The following SLC17A1 variants were observed in gnomAD, a reference collection of about 807,000 sequenced individuals.
SLC17A1 encodes the protein sodium-dependent phosphate transport protein 1.
In SLC17A1, 51 loss-of-function variants were observed where a neutral mutation model predicts 53.5. That is an observed-to-expected ratio of 0.95 (90% CI 0.76 to 1.20). The LOEUF (loss-of-function observed/expected upper bound fraction) is 1.20. Among genes scored for constraint, SLC17A1 ranks in the 50% most tolerant of loss-of-function variants. SLC17A1 has a pLI of 0.00. For missense variants in SLC17A1, 538 were observed against 568.2 expected, an observed-to-expected ratio of 0.95 and a Z score of 0.54; for synonymous variants, 179 against 198.8, an observed-to-expected ratio of 0.90 and a Z score of 0.84.
At chr6:25,740,789 T>C in the SLC17A1 span, among the ~76,000 whole-genome samples, 267 of 152,342 alleles carry the variant, frequency 1.8e-3, 1 homozygote, top group Non-Finnish European at 2.8e-3. Flanking sequence ...TGTCCATCAA[T>C]GGATGACTGG....
intron 10 of SLC17A1, 149 bp from the exon 11 acceptor site, chr6:25,801,129 G>T (rs1333559845): frequency 3.3e-6 from 2 of 599,926 alleles, no homozygotes; most frequent in African/African-American, 3.8e-5. Flanking sequence ...AAAAGTATAT[G>T]AATATAGGCA....
intron 3 of SLC17A1, 34 bp from the exon 4 acceptor site, chr6:25,819,949 T>C (rs1455630609): frequency 2.1e-6 from 3 of 1,401,284 alleles, no homozygotes; most frequent in Middle Eastern, 1.8e-4. Context: ...CGAATCACTC[T>C]GCATATCAGA....
the SLC17A1 span, chr6:25,769,922 A>T: frequency 1.4e-6 from 1 of 710,336 alleles, no homozygotes; most frequent in Non-Finnish European, 2.4e-6. Context: ...TAGGGTTTTT[A>T]AATACATGAT....
chr6:25,744,328 G>A, the SLC17A1 span, among the ~76,000 whole-genome samples: 1 of 152,178 alleles, frequency 6.6e-6, no homozygotes, highest in African/African-American at 2.4e-5. Context: ...GGTGAAGTAT[G>A]AGGAAACACA....
chr6:25,734,398 A>G, the SLC17A1 span, among the ~76,000 whole-genome samples: 15,615 of 152,262 alleles, frequency 0.1, 899 homozygotes, highest in Middle Eastern at 0.16. Context: ...GAATGGGGAA[A>G]AAAATGAGGT....
the SLC17A1 span, chr6:25,770,455 C>G: frequency 6.2e-7 from 1 of 1,614,022 alleles, no homozygotes; most frequent in South Asian, 1.1e-5. Context: ...GTCAACTCAC[C>G]ACCATTGCTG....
chr6:25,819,328 TTGAGA>T (rs1294856999), intron 5 of SLC17A1, among the ~76,000 whole-genome samples, 174 bp from the exon 6 acceptor site: 1 of 152,218 alleles, frequency 6.6e-6, no homozygotes, highest in Non-Finnish European at 1.5e-5. Flanking sequence ...TCTCTGTTGT[TTGAGA>T]TAAGGATGGC....
chr6:25,767,958 C>G, the SLC17A1 span, among the ~76,000 whole-genome samples: 1 of 151,982 alleles, frequency 6.6e-6, no homozygotes, highest in African/African-American at 2.4e-5. Context: ...TTTGTGAAGG[C>G]CTTAACTGAA....
intron 3 of SLC17A1, among the ~76,000 whole-genome samples, chr6:25,822,698 C>A (rs1469724139): frequency 6.6e-6 from 1 of 151,984 alleles, no homozygotes; most frequent in Non-Finnish European, 1.5e-5. Context: ...CCGTGAGTAG[C>A]CATTTCTCTA....
chr6:25,773,652 T>C, the SLC17A1 span: 1 of 1,613,536 alleles, frequency 6.2e-7, no homozygotes, highest in Admixed American at 1.7e-5. Flanking sequence ...ATCAGCTCGG[T>C]ACTTCAAGCC....
chr6:25,817,656 A>G (rs1326078657), intron 6 of SLC17A1, among the ~76,000 whole-genome samples: 1 of 152,252 alleles, frequency 6.6e-6, no homozygotes, highest in East Asian at 1.9e-4. Flanking sequence ...CCCTTGATCA[A>G]CAATGTTGGG....
Position 25,811,452 on chromosome 6 carries a change from G to T in SLC17A1, c.1124C>A (p.Thr375Lys). The T allele has an allele frequency of 6.2e-7, 1 of 1,613,930 alleles. No individual in the cohort carries two copies. The highest frequency in any genetic ancestry group is 8.5e-7 in the Non-Finnish European group (1 of 1,179,904). ...CACTCCACCCAAGCAAAAGCTGCCT[G>T]TTGCACCAGCAAGTATTAGGAAAAT... Reference protein sequence around the residue: ...IVIFLILAGATGSFCLGGVFI... With the variant: ...IVIFLILAGAKGSFCLGGVFI... The change falls in exon 10 of 13, where the codon ACA becomes AAA. Residue 375 changes from threonine (T) to lysine (K), a missense_variant. By Grantham distance (78) the Thr-to-Lys change is moderately conservative. Transcript: ENST00000244527.
intron 3 of SLC17A1, 39 bp from the exon 4 acceptor site, chr6:25,819,954 A>G: frequency 7.3e-7 from 1 of 1,372,158 alleles, no homozygotes; most frequent in African/African-American, 1.4e-5. Flanking sequence ...CACTCTGCAT[A>G]TCAGAAATTT....
chr6:25,761,964 T>C, the SLC17A1 span: 1 of 1,612,724 alleles, frequency 6.2e-7, no homozygotes, highest in Non-Finnish European at 8.5e-7. Flanking sequence ...AGAACCAAAA[T>C]GTCTACCGGA....
intron 12 of SLC17A1, among the ~76,000 whole-genome samples, chr6:25,784,322 TAAAGA>T (rs1363141037): frequency 6.6e-6 from 1 of 152,168 alleles, no homozygotes; most frequent in African/African-American, 2.4e-5. Context: ...GGGTAATTTA[TAAAGA>T]AAAGAGGTTT....
At chr6:25,818,380 T>G (rs1010939651) in intron 6 of SLC17A1, among the ~76,000 whole-genome samples, 3 of 152,218 alleles carry the variant, frequency 2.0e-5, no homozygotes, top group African/African-American at 7.2e-5. Flanking sequence ...CCTGTATCGC[T>G]AGCCCCAGGT....
chr6:25,823,982 A>G (rs1764652419), intron 3 of SLC17A1, among the ~76,000 whole-genome samples: 1 of 151,982 alleles, frequency 6.6e-6, no homozygotes, highest in South Asian at 2.1e-4. Context: ...GAACATTCAG[A>G]GGCAATTCAG....
At chr6:25,768,133 G>A in the SLC17A1 span, among the ~76,000 whole-genome samples, 1 of 152,158 alleles carries the variant, frequency 6.6e-6, no homozygotes, top group Non-Finnish European at 1.5e-5. Flanking sequence ...ATTTTCATGG[G>A]TGGTGCATTG....
chr6:25,726,412 T>C, the SLC17A1 span: 21 of 1,614,030 alleles, frequency 1.3e-5, no homozygotes, highest in Admixed American at 3.3e-5. Flanking sequence ...CTCTGCATAG[T>C]TTCCCTTACG....
Sources: gnomAD v4.1 joint callset for allele counts (sites outside exome capture counted in the v4.1 genomes callset) on GRCh38, gnomAD v4.1.1 for gene constraint, MANE v1.5 for transcripts, NCBI Gene and HGNC (gene_info 2026-07-23, HGNC 2026-07-21) for gene names.